SPOCK1: variants seen among roughly 807,000 people sequenced by gnomAD.
SPOCK1 encodes testican-1.
SPOCK1 carries 23 observed loss-of-function variants against 55.3 expected under a neutral mutation model. That is an observed-to-expected ratio of 0.42 (90% CI 0.30 to 0.59). The LOEUF is 0.59. SPOCK1 is among the 20% of genes least tolerant of loss of function. The probability of loss-of-function intolerance (pLI) is 0.22; values close to 1 mark genes in which losing one functional copy is unlikely to be tolerated. For missense variants in SPOCK1, 499 were observed against 552.5 expected (o/e 0.90, Z 0.97); for synonymous variants, 226 against 221.0 (o/e 1.02, Z -0.20).
At chr5:137,322,413 GT>G (rs1187522165) in intron 2 of SPOCK1, among the ~76,000 whole-genome samples, 48 of 150,844 alleles carry the variant, frequency 3.2e-4, no homozygotes, top group Admixed American at 3.1e-3. Flanking sequence ...ACAGAATATT[GT>G]AATACTCTAA....
At chr5:137,157,413 A>G (rs1054793205) in intron 3 of SPOCK1, among the ~76,000 whole-genome samples, 3 of 152,176 alleles carry the variant, frequency 2.0e-5, no homozygotes, top group Non-Finnish European at 4.4e-5. Context: ...TAATTTAGCA[A>G]TCCTCTGTCC....
At chr5:137,232,659 T>C (rs993892735) in intron 3 of SPOCK1, among the ~76,000 whole-genome samples, 3 of 152,254 alleles carry the variant, frequency 2.0e-5, no homozygotes, top group African/African-American at 7.2e-5. Context: ...ACTTTAGCTA[T>C]TCTAGGGCCT....
At chr5:137,381,139 C>T (rs1041025544) in intron 2 of SPOCK1, among the ~76,000 whole-genome samples, 3 of 152,126 alleles carry the variant, frequency 2.0e-5, no homozygotes, top group Admixed American at 6.5e-5. Flanking sequence ...GTAATTACAT[C>T]TTAAAGCTCC....
intron 2 of SPOCK1, among the ~76,000 whole-genome samples, chr5:137,420,536 G>A (rs1361943827): frequency 2.6e-5 from 4 of 152,174 alleles, no homozygotes; most frequent in Non-Finnish European, 5.9e-5. Context: ...GAGTTTGTAT[G>A]TGTCTAGGAA....
intron 5 of SPOCK1, among the ~76,000 whole-genome samples, chr5:137,073,111 T>C (rs781587572): frequency 2.6e-5 from 4 of 152,254 alleles, no homozygotes; most frequent in African/African-American, 4.8e-5. Context: ...TAGAACCTTA[T>C]TGAACATCCA....
chr5:137,266,865 A>G (rs1672335909), intron 3 of SPOCK1, 145 bp downstream of exon 3: 1 of 628,562 alleles, frequency 1.6e-6, no homozygotes, highest in Non-Finnish European at 2.8e-6. Flanking sequence ...AATAATTTCT[A>G]TCACCCCAGT....
intron 2 of SPOCK1, among the ~76,000 whole-genome samples, chr5:137,380,498 A>G (rs1299137275): frequency 6.6e-6 from 1 of 152,218 alleles, no homozygotes; most frequent in African/African-American, 2.4e-5. Context: ...TGGGTGATTT[A>G]TGAAGACAAG....
intron 3 of SPOCK1, among the ~76,000 whole-genome samples, chr5:137,167,905 C>T (rs1406338634): frequency 6.6e-6 from 1 of 151,938 alleles, no homozygotes; most frequent in Non-Finnish European, 1.5e-5. Context: ...CCTAACAATG[C>T]ATCTTAAAGA....
At chr5:137,455,921 C>T (rs772516487) in intron 2 of SPOCK1, among the ~76,000 whole-genome samples, 27 of 151,932 alleles carry the variant, frequency 1.8e-4, no homozygotes, top group Non-Finnish European at 3.1e-4. Flanking sequence ...CCTAGCTACA[C>T]GGGAGGTGAA....
chr5:137,057,393 A>G (rs180805973), intron 6 of SPOCK1, among the ~76,000 whole-genome samples: 2 of 152,334 alleles, frequency 1.3e-5, no homozygotes, highest in African/African-American at 4.8e-5. Flanking sequence ...CTGAACATCT[A>G]TCACTATACA....
At chr5:137,061,844 T>C (rs1043604713) in intron 6 of SPOCK1, among the ~76,000 whole-genome samples, 1 of 152,208 alleles carries the variant, frequency 6.6e-6, no homozygotes, top group Non-Finnish European at 1.5e-5. Flanking sequence ...TACTGTAAGA[T>C]GTGGGCAAGT....
chr5:137,184,806 C>T (rs1755035590), intron 3 of SPOCK1, among the ~76,000 whole-genome samples: 1 of 152,164 alleles, frequency 6.6e-6, no homozygotes, highest in Non-Finnish European at 1.5e-5. Flanking sequence ...CCCCCTCTCC[C>T]TCCTGACCCT....
In SPOCK1 at chr5:137,205,124, A is replaced by G. The variant is rs929582192; in HGVS notation, c.232+61886T>C. ...TGCTTGTTTACCAGTTGATCTCCCC[A>G]CTAGACTATAGGCTTCACAAGAGCA... On this transcript the variant is annotated intron_variant, in intron 3 of 10. Transcript: ENST00000394945. Among the ~76,000 whole-genome samples, 12 of 152,142 alleles carry G rather than the reference A, an allele frequency of 7.9e-5. 1 individual carries two copies. The highest frequency in any genetic ancestry group is 2.9e-4 in the African/African-American group (12 of 41,424).
intron 2 of SPOCK1, among the ~76,000 whole-genome samples, chr5:137,298,702 A>G (rs1757533697): frequency 6.6e-6 from 1 of 152,128 alleles, no homozygotes; most frequent in Non-Finnish European, 1.5e-5. Context: ...GATGACTGTT[A>G]GGTTTTCTGG....
intron 3 of SPOCK1, among the ~76,000 whole-genome samples, chr5:137,150,023 T>A (rs551103421): frequency 1.3e-5 from 2 of 152,314 alleles, no homozygotes; most frequent in Admixed American, 1.3e-4. Flanking sequence ...ATTATCCTCA[T>A]GGCTTTTACC....
intron 2 of SPOCK1, among the ~76,000 whole-genome samples, chr5:137,487,582 G>A (rs745541536): frequency 7.2e-5 from 11 of 152,024 alleles, no homozygotes; most frequent in African/African-American, 1.7e-4. Context: ...TAAAGCCAAC[G>A]TCAGAGTCAA....
At chr5:137,327,596 C>T (rs914506240) in intron 2 of SPOCK1, among the ~76,000 whole-genome samples, 7 of 152,196 alleles carry the variant, frequency 4.6e-5, no homozygotes, top group Non-Finnish European at 1.0e-4. Flanking sequence ...TCAATGGTGT[C>T]TTGCTGCTTC....
At chr5:137,017,533 T>G (rs1360243160) in intron 6 of SPOCK1, among the ~76,000 whole-genome samples, 1 of 152,210 alleles carries the variant, frequency 6.6e-6, no homozygotes, top group Non-Finnish European at 1.5e-5. Flanking sequence ...CAAGATTCTT[T>G]AGACAGAACC....
chr5:137,027,725 C>T (rs1012709632), intron 6 of SPOCK1, among the ~76,000 whole-genome samples: 2 of 152,154 alleles, frequency 1.3e-5, no homozygotes, highest in South Asian at 2.1e-4. Flanking sequence ...AACCCCCTTG[C>T]AGAGCTTATC....
Sources: allele counts gnomAD v4.1 joint callset (sites outside exome capture counted in the v4.1 genomes callset), GRCh38; gene constraint gnomAD v4.1.1; transcripts MANE v1.5; gene names NCBI Gene and HGNC (gene_info 2026-07-23, HGNC 2026-07-21).